POT1: variants seen among roughly 807,000 people sequenced by gnomAD.
POT1 encodes the protein protection of telomeres protein 1.
A neutral mutation model predicts 78.5 loss-of-function variants in POT1; 47 were observed. That is an observed-to-expected ratio of 0.60 (90% CI 0.47 to 0.76). The LOEUF is 0.76. Among genes scored for constraint, POT1 ranks in the 30% least tolerant of loss-of-function variants. The pLI is 0.00. For synonymous variants in POT1, 259 were observed against 260.7 expected, an observed-to-expected ratio of 0.99 and a Z score of 0.06; for missense variants, 646 against 749.9, an observed-to-expected ratio of 0.86 and a Z score of 1.62.
chr7:124,888,673 C>G (rs773231026), intron 6 of POT1, among the ~76,000 whole-genome samples: 1 of 151,978 alleles, frequency 6.6e-6, no homozygotes. Flanking sequence ...TCTACTGTCA[C>G]CATTTTTGCA....
chr7:124,865,875 A>T (rs1401357930), intron 7 of POT1, among the ~76,000 whole-genome samples: 1 of 152,044 alleles, frequency 6.6e-6, no homozygotes, highest in Non-Finnish European at 1.5e-5. Context: ...TTTTTGTTTA[A>T]TAAAGACAAC....
intron 16 of POT1, 143 bp from the exon 17 acceptor site, chr7:124,827,448 T>A (rs1794659012): frequency 2.3e-6 from 1 of 441,466 alleles, no homozygotes. Flanking sequence ...CTTGGCATTA[T>A]CTCCAGGTAG....
chr7:124,910,731 A>G (rs2116684639), intron 3 of POT1, among the ~76,000 whole-genome samples: 1 of 152,120 alleles, frequency 6.6e-6, no homozygotes, highest in South Asian at 2.1e-4. Context: ...TAGAATTTGC[A>G]TCTCTTTACA....
At chr7:124,915,272 T>C (rs1167358866) in intron 3 of POT1, among the ~76,000 whole-genome samples, 1 of 152,194 alleles carries the variant, frequency 6.6e-6, no homozygotes, top group Non-Finnish European at 1.5e-5. Flanking sequence ...TAGCTTACCA[T>C]GATTACTTGA....
chr7:124,914,628 A>C (rs537388982), intron 3 of POT1, among the ~76,000 whole-genome samples: 143 of 152,344 alleles, frequency 9.4e-4, no homozygotes, highest in Admixed American at 2.0e-3. Context: ...TTTTTAAAAA[A>C]TTATACTACA....
intron 6 of POT1, among the ~76,000 whole-genome samples, chr7:124,879,149 A>G (rs1027674360): frequency 6.6e-6 from 1 of 152,216 alleles, no homozygotes; most frequent in Non-Finnish European, 1.5e-5. Context: ...TTCTCCAATC[A>G]TAAGTTAATC....
intron 6 of POT1, 46 bp from the exon 7 acceptor site, chr7:124,871,087 C>G (rs768831218): frequency 6.7e-7 from 1 of 1,497,082 alleles, no homozygotes; most frequent in Admixed American, 2.0e-5. Flanking sequence ...TATTTTAAAG[C>G]ATTTGATAAA....
chr7:124,828,957 C>G (rs771798374), intron 16 of POT1: 1 of 625,418 alleles, frequency 1.6e-6, no homozygotes, highest in Non-Finnish European at 3.0e-6. Flanking sequence ...GCACAATGTC[C>G]AGCTCTGAAT....
At chr7:124,924,281 G>A (rs902943639) in intron 2 of POT1, among the ~76,000 whole-genome samples, 8 of 151,148 alleles carry the variant, frequency 5.3e-5, no homozygotes, top group African/African-American at 1.7e-4. Context: ...TAAAATCAGA[G>A]AGGAAAAAAG....
rs1797338657 is a variant in POT1, at chr7:124,928,814, C to A, written c.-227+1G>T. On this transcript the variant is annotated splice_donor_variant, in intron 2 of 18. Transcript: ENST00000357628. LOFTEE classifies it low-confidence loss of function (5UTR_SPLICE). ...GCATTCTGAGTTATAGAAATTCTTA[C>A]CTGAATATATTTCTTGCTATAATTG... 1 of 152,596 alleles carries A rather than the reference C, an allele frequency of 6.6e-6. No individual in the cohort carries two copies. Among genetic ancestry groups the A allele is most frequent in the Admixed American group, 6.6e-5 (1 of 15,266 alleles). 9.5% of individuals were successfully genotyped at this position (152,596 alleles called of 1,614,324 possible).
rs375826064 is a variant in POT1, at chr7:124,906,908, T to C, written c.-153-8534A>G. On this transcript the variant is annotated intron_variant, in intron 3 of 18. Transcript: ENST00000357628. The stretch of plus-strand genomic sequence containing the variant: ...ATATATAACAGATAATAGTAGTTTG[T>C]ATAAACACTCATTAGATCGAATTGA... Among the ~76,000 whole-genome samples the C allele has an allele frequency of 3.3e-5, 5 of 152,232 alleles. 1 individual carries two copies. In the South Asian group the frequency reaches 1.0e-3, roughly 32 times the overall value.
At chr7:124,888,300 G>A (rs1204822595) in intron 6 of POT1, among the ~76,000 whole-genome samples, 3 of 151,974 alleles carry the variant, frequency 2.0e-5, no homozygotes, top group South Asian at 2.1e-4. Context: ...ATTTCTAGGC[G>A]CTCTATTCAA....
chr7:124,830,512 G>C (rs1306004263), intron 15 of POT1, among the ~76,000 whole-genome samples: 1 of 151,890 alleles, frequency 6.6e-6, no homozygotes, highest in Non-Finnish European at 1.5e-5. Flanking sequence ...CTAAGAAAAA[G>C]ACTACGATAT....
chr7:124,830,842 A>T (rs981848587), intron 15 of POT1, among the ~76,000 whole-genome samples: 1 of 152,146 alleles, frequency 6.6e-6, no homozygotes, highest in Non-Finnish European at 1.5e-5. Flanking sequence ...AAGAAACCAT[A>T]AAGTTAAAAA....
chr7:124,844,943 C>A (rs1795129201), intron 12 of POT1, among the ~76,000 whole-genome samples: 1 of 152,222 alleles, frequency 6.6e-6, no homozygotes, highest in Non-Finnish European at 1.5e-5. Flanking sequence ...CAATTGTTAA[C>A]ATTTTTGCAC....
At position 124,835,289 on chromosome 7, in the gene POT1, G is replaced by A. The variant is rs770134109; in HGVS notation, c.1495C>T (p.His499Tyr). 3.1e-6 allele frequency: 5 copies of A among 1,613,678 alleles called. No individual in the cohort carries two copies. In the African/African-American group the frequency reaches 5.3e-5, roughly 17 times the overall value. The change falls in exon 15 of 19, where the codon CAT becomes TAT. Residue 499 changes from histidine (H) to tyrosine (Y), a missense_variant. Physicochemically the swap from His to Tyr is moderately conservative, Grantham distance 83. Around this residue, in one of 2 missense-constraint regions of POT1, gnomAD observed 394 missense variants for 408.4 expected, o/e 0.96. Coordinates refer to ENST00000357628, the MANE Select transcript of POT1 (RefSeq NM_015450.3). Reference protein sequence around the residue: ...SAPFLIQGTIHHYGCKQCSSL... With the variant: ...SAPFLIQGTIYHYGCKQCSSL... ...AACAAAACAAAATACCCATAGTGAT[G>A]TATTGTTCCTTGTATAAGAAATGGT...
intron 10 of POT1, among the ~76,000 whole-genome samples, chr7:124,852,753 T>C (rs1050661452): frequency 1.3e-5 from 2 of 152,102 alleles, no homozygotes; most frequent in Non-Finnish European, 2.9e-5. Context: ...AAAAGCCAGA[T>C]TCAAACTGTT....
chr7:124,891,636 G>A (rs1273467383), intron 6 of POT1, among the ~76,000 whole-genome samples: 1 of 151,120 alleles, frequency 6.6e-6, no homozygotes. Flanking sequence ...TCATTATTTT[G>A]TAATGACATG....
intron 3 of POT1, among the ~76,000 whole-genome samples, chr7:124,912,523 G>A (rs945236825): frequency 6.6e-6 from 1 of 152,020 alleles, no homozygotes; most frequent in African/African-American, 2.4e-5. Context: ...CATGTTTACA[G>A]TTCTGCCTTA....
Sources: gnomAD v4.1 joint callset for allele counts (sites outside exome capture counted in the v4.1 genomes callset) on GRCh38, gnomAD v4.1.1 for gene constraint, gnomAD v4.1.1 regional missense constraint, MANE v1.5 for transcripts, NCBI Gene and HGNC (gene_info 2026-07-23, HGNC 2026-07-21) for gene names.